Variants in PSEN1 observed in about 807,000 individuals in gnomAD.
PSEN1 encodes the protein presenilin-1.
A neutral mutation model predicts 53.5 loss-of-function variants in PSEN1; 15 were observed. The observed-to-expected ratio is 0.28, with a 90% confidence interval of 0.19 to 0.43. The LOEUF (loss-of-function observed/expected upper bound fraction) is 0.43, where lower values mean the gene tolerates loss of function less well. PSEN1 is among the 20% of genes least tolerant of loss of function. PSEN1 has a pLI of 1.00. For missense variants in PSEN1, 387 were observed against 571.2 expected, an observed-to-expected ratio of 0.68 and a Z score of 3.29; for synonymous variants, 208 against 209.8, an observed-to-expected ratio of 0.99 and a Z score of 0.08.
At chr14:73,205,851 A>C (rs1899433951) in intron 8 of PSEN1, among the ~76,000 whole-genome samples, 2 of 152,224 alleles carry the variant, frequency 1.3e-5, no homozygotes, top group South Asian at 4.1e-4. Flanking sequence ...ATTTTTGTAG[A>C]AGGGGCACAG....
chr14:73,166,598 C>CT (rs1227253573), intron 3 of PSEN1, among the ~76,000 whole-genome samples: 1 of 152,178 alleles, frequency 6.6e-6, no homozygotes, highest in African/African-American at 2.4e-5. Flanking sequence ...GCAGATATAA[C>CT]ATTCTTGGCA....
At chr14:73,189,568 C>T (rs1898641523) in intron 6 of PSEN1, among the ~76,000 whole-genome samples, 2 of 152,090 alleles carry the variant, frequency 1.3e-5, no homozygotes, top group Non-Finnish European at 2.9e-5. Context: ...GCCGAGATCG[C>T]ACCATTGCAC....
intron 8 of PSEN1, among the ~76,000 whole-genome samples, chr14:73,203,384 G>A (rs1899311333): frequency 6.6e-6 from 1 of 152,046 alleles, no homozygotes; most frequent in African/African-American, 2.4e-5. Context: ...CACCGCACCT[G>A]GCCTTCGTTT....
intron 8 of PSEN1, chr14:73,206,149 G>C (rs761714829): frequency 1.2e-5 from 6 of 517,570 alleles, no homozygotes; most frequent in Non-Finnish European, 2.1e-5. Flanking sequence ...AAATGATGAA[G>C]AGTTTTGTGA....
intron 10 of PSEN1, among the ~76,000 whole-genome samples, chr14:73,216,714 A>T (rs1391946695): frequency 2.6e-5 from 4 of 151,858 alleles, no homozygotes; most frequent in Admixed American, 1.3e-4. Flanking sequence ...AGCCGAGATC[A>T]TGCTGCTGTA....
rs75057334 is a variant in PSEN1 at position 73,154,865 on chromosome 14, A to G, written c.87+6759A>G. ...AAAATTAAAACTTCACTTCTTACCTATCAGTGAGTTAAAATTGATACACTG... is the reference window on the plus strand; with the variant it reads ...AAAATTAAAACTTCACTTCTTACCTGTCAGTGAGTTAAAATTGATACACTG... On this transcript the variant is annotated intron_variant, in intron 3 of 11. Transcript: ENST00000324501. Among the ~76,000 whole-genome samples the G allele has an allele frequency of 4.2e-3, 635 of 152,314 alleles. 6 individuals carry two copies. Among genetic ancestry groups the G allele is most frequent in the African/African-American group, 0.015 (616 of 41,572 alleles).
At chr14:73,147,276 T>C (rs888487960) in intron 1 of PSEN1, among the ~76,000 whole-genome samples, 1 of 152,120 alleles carries the variant, frequency 6.6e-6, no homozygotes, top group African/African-American at 2.4e-5. Flanking sequence ...GAGCCACCGC[T>C]CCTGGCTGAG....
At chr14:73,209,024 G>T in intron 9 of PSEN1, 1 of 357,128 alleles carries the variant, frequency 2.8e-6, no homozygotes. Flanking sequence ...TGCCCCAAGC[G>T]CCCGCACACC....
At chr14:73,159,576 T>G (rs185109877) in intron 3 of PSEN1, among the ~76,000 whole-genome samples, 128 of 152,364 alleles carry the variant, frequency 8.4e-4, no homozygotes, top group African/African-American at 2.9e-3. Context: ...AGCACTGTTT[T>G]TTAAAAAAGA....
chr14:73,169,066 C>T (rs1297417043), intron 3 of PSEN1: 1 of 152,230 alleles, frequency 6.6e-6, no homozygotes, highest in African/African-American at 2.4e-5. Flanking sequence ...AGGGAATTAT[C>T]CAGTCTCATC....
intron 7 of PSEN1, among the ~76,000 whole-genome samples, chr14:73,196,474 A>AT (rs35294154): frequency 0.11 from 11,697 of 102,244 alleles, 776 homozygotes; most frequent in South Asian, 0.17. Context: ...GAGGCATGAA[A>AT]TTTTTTTTTT....
chr14:73,204,204 G>A (rs1333450530), intron 8 of PSEN1, among the ~76,000 whole-genome samples: 1 of 151,612 alleles, frequency 6.6e-6, no homozygotes, highest in Non-Finnish European at 1.5e-5. Context: ...CTCCATGTTG[G>A]TCAGGCTGGT....
chr14:73,160,307 T>C (rs562353206), intron 3 of PSEN1, among the ~76,000 whole-genome samples: 1 of 152,382 alleles, frequency 6.6e-6, no homozygotes, highest in South Asian at 2.1e-4. Context: ...ACATTTGGGT[T>C]ACTTCCACTT....
intron 1 of PSEN1, among the ~76,000 whole-genome samples, chr14:73,145,587 A>G (rs536521777): frequency 6.7e-6 from 1 of 149,660 alleles, no homozygotes; most frequent in South Asian, 2.2e-4. Flanking sequence ...AGTAACACCC[A>G]TCTCAGCCTC....
At chr14:73,150,429 G>T (rs1379075703) in intron 3 of PSEN1, among the ~76,000 whole-genome samples, 1 of 152,044 alleles carries the variant, frequency 6.6e-6, no homozygotes, top group African/African-American at 2.4e-5. Flanking sequence ...TAATATTTAT[G>T]TACATAAATC....
intron 5 of PSEN1, among the ~76,000 whole-genome samples, chr14:73,184,747 C>CT (rs1898413761): frequency 6.3e-5 from 1 of 15,964 alleles, no homozygotes; most frequent in Non-Finnish European, 1.5e-4. Flanking sequence ...GGGGGGCTGA[C>CT]CCCCCCCACC....
intron 7 of PSEN1, among the ~76,000 whole-genome samples, chr14:73,195,464 C>T (rs953168949): frequency 1.3e-5 from 2 of 152,164 alleles, no homozygotes; most frequent in African/African-American, 2.4e-5. Context: ...TGAACCACTG[C>T]GCCCAGCCTA....
intron 5 of PSEN1, chr14:73,174,031 G>T: frequency 2.1e-6 from 1 of 485,544 alleles, no homozygotes; most frequent in Non-Finnish European, 3.6e-6. Context: ...TATATGCATG[G>T]AATCTATATG....
intron 10 of PSEN1, 142 bp from the exon 11 acceptor site, chr14:73,216,984 C>T: frequency 4.3e-6 from 4 of 935,994 alleles, no homozygotes; most frequent in Non-Finnish European, 6.7e-6. Flanking sequence ...AGAAAGAAAA[C>T]ACAGCTGAAG....
Sources: gnomAD v4.1 joint callset for allele counts (sites outside exome capture counted in the v4.1 genomes callset) on GRCh38, gnomAD v4.1.1 for gene constraint, MANE v1.5 for transcripts, NCBI Gene and HGNC (gene_info 2026-07-23, HGNC 2026-07-21) for gene names.